CDC14A: variants seen among roughly 807,000 people sequenced by gnomAD.
CDC14A encodes the protein dual specificity protein phosphatase CDC14A.
In CDC14A, 53 loss-of-function variants were observed where a neutral mutation model predicts 74.4. The observed-to-expected ratio is 0.71, with a 90% CI of 0.57 to 0.89. The LOEUF (loss-of-function observed/expected upper bound fraction) is 0.89. Ranked by LOEUF, CDC14A falls within the 40% of genes least tolerant of loss-of-function variation. CDC14A has a pLI of 0.00. For synonymous variants in CDC14A, 247 were observed against 258.4 expected, an observed-to-expected ratio of 0.96 and a Z score of 0.43; for missense variants, 646 against 713.7, an observed-to-expected ratio of 0.91 and a Z score of 1.08.
intron 8 of CDC14A, among the ~76,000 whole-genome samples, chr1:100,461,012 C>T (rs1667260795): frequency 6.6e-6 from 1 of 152,196 alleles, no homozygotes; most frequent in Non-Finnish European, 1.5e-5. Flanking sequence ...GCATTTCAAA[C>T]ATAAAGCATT....
At chr1:100,435,604 G>A (rs906523110) in intron 5 of CDC14A, among the ~76,000 whole-genome samples, 4 of 152,092 alleles carry the variant, frequency 2.6e-5, no homozygotes, top group East Asian at 3.9e-4. Context: ...CGAGGTGGGC[G>A]GATCGCCTGA....
At chr1:100,400,751 G>A (rs1247665605) in intron 4 of CDC14A, among the ~76,000 whole-genome samples, 1 of 152,202 alleles carries the variant, frequency 6.6e-6, no homozygotes, top group Non-Finnish European at 1.5e-5. Context: ...TATGGGTAGA[G>A]CAGTGTCACC....
chr1:100,368,636 A>T (rs1653984737), intron 2 of CDC14A, among the ~76,000 whole-genome samples: 1 of 152,214 alleles, frequency 6.6e-6, no homozygotes, highest in African/African-American at 2.4e-5. Flanking sequence ...GCAGGTTTGT[A>T]TACAAGCATA....
intron 5 of CDC14A, among the ~76,000 whole-genome samples, chr1:100,425,510 G>A (rs551517425): frequency 6.6e-6 from 1 of 152,130 alleles, no homozygotes; most frequent in Non-Finnish European, 1.5e-5. Context: ...AGAGTCAAGG[G>A]ATTCTCATTC....
intron 15 of CDC14A, among the ~76,000 whole-genome samples, chr1:100,510,030 C>A (rs962788304): frequency 6.6e-6 from 1 of 152,126 alleles, no homozygotes; most frequent in Non-Finnish European, 1.5e-5. Flanking sequence ...GGCTGTGTTC[C>A]CATTTCCTAT....
intron 6 of CDC14A, among the ~76,000 whole-genome samples, chr1:100,440,722 ATATAT>A (rs1664837417): frequency 6.6e-6 from 1 of 152,202 alleles, no homozygotes; most frequent in Non-Finnish European, 1.5e-5. Context: ...TGGACTATAA[ATATAT>A]TATCAGTAGC....
At position 100,345,836 on chromosome 1, in the gene CDC14A, G is replaced by A. The variant is rs368132825; in HGVS notation, c.-126+653G>A. 4.6e-5 allele frequency among the ~76,000 whole-genome samples: 7 copies of A among 152,328 alleles called. No individual in the cohort carries two copies. The East Asian group carries it at 1.3e-3, about 29-fold the overall frequency. ...TATTTTCCTGCTAGAAATATGTAGA[G>A]TAGAAACATTATTAAATGTGCACAT... is the stretch of plus-strand genomic sequence containing the variant. On this transcript the variant is annotated intron_variant, in intron 1 of 14. Transcript: ENST00000635056.
intron 7 of CDC14A, among the ~76,000 whole-genome samples, chr1:100,453,510 C>A (rs1025021819): frequency 6.6e-6 from 1 of 152,118 alleles, no homozygotes; most frequent in Non-Finnish European, 1.5e-5. Context: ...TTTAAACAAG[C>A]AAATTTTAAT....
At chr1:100,410,226 A>G (rs1214535655) in intron 4 of CDC14A, among the ~76,000 whole-genome samples, 1 of 152,158 alleles carries the variant, frequency 6.6e-6, no homozygotes, top group Non-Finnish European at 1.5e-5. Flanking sequence ...AAAAAAAGAA[A>G]AAAAAATTTT....
chr1:100,370,294 T>C (rs1181431425), intron 2 of CDC14A, among the ~76,000 whole-genome samples: 1 of 151,942 alleles, frequency 6.6e-6, no homozygotes, highest in Non-Finnish European at 1.5e-5. Flanking sequence ...TAAAGTTTTT[T>C]TTTTTTTTGT....
At chr1:100,420,063 C>CACATATAT in intron 4 of CDC14A, among the ~76,000 whole-genome samples, 1,045 of 61,480 alleles carry the variant, frequency 0.017, 31 homozygotes, top group South Asian at 0.03. Context: ...CACACACACA[C>CACATATAT]ATATATATAT....
chr1:100,462,634 C>G lies in CDC14A; in HGVS notation c.608-17C>G. The G allele has an allele frequency of 1.3e-6, 2 of 1,593,128 alleles. No individual in the cohort carries two copies. The highest frequency in any genetic ancestry group is 2.7e-5 in the African/African-American group (2 of 74,498). Reference sequence around the variant, plus strand: ...TGAAATGCATGCCTTTTGCTTACTGCTCCTTTGTTCCTTTAGGTTATCCTC... The same window carrying G: ...TGAAATGCATGCCTTTTGCTTACTGGTCCTTTGTTCCTTTAGGTTATCCTC... On this transcript the variant is annotated splice_polypyrimidine_tract_variant and intron_variant, in intron 8 of 15. Coordinates refer to ENST00000336454, the MANE Select transcript of CDC14A (RefSeq NM_003672.4).
chr1:100,448,016 G>C (rs1465660231), intron 7 of CDC14A, among the ~76,000 whole-genome samples: 1 of 152,216 alleles, frequency 6.6e-6, no homozygotes, highest in African/African-American at 2.4e-5. Context: ...GATGATGGAA[G>C]TGTGATGCGG....
chr1:100,468,116 C>T lies in CDC14A; in HGVS notation c.977+22C>T, dbSNP rs17122599. ...AAGAGTAAGTATATTGTCCCCATTACCACATTATATCCTGTTCTTGATCCT... is the reference window on the plus strand; with the variant it reads ...AAGAGTAAGTATATTGTCCCCATTATCACATTATATCCTGTTCTTGATCCT... On this transcript the variant is annotated intron_variant, in intron 10 of 15. Transcript: ENST00000336454. 17,294 of 1,612,632 alleles carry T rather than the reference C, an allele frequency of 0.011. 1,517 individuals carry two copies. In the African/African-American group the frequency reaches 0.2, roughly 18 times the overall value.
intron 2 of CDC14A, among the ~76,000 whole-genome samples, chr1:100,359,284 A>G (rs1041688030): frequency 6.6e-6 from 1 of 152,178 alleles, no homozygotes; most frequent in African/African-American, 2.4e-5. Flanking sequence ...TATTATCACT[A>G]CTTAACAAAG....
intron 4 of CDC14A, among the ~76,000 whole-genome samples, chr1:100,392,362 G>A (rs1341053697): frequency 6.6e-6 from 1 of 151,992 alleles, no homozygotes; most frequent in Non-Finnish European, 1.5e-5. Flanking sequence ...TTCCTGCAGG[G>A]TTTTGTGATG....
intron 8 of CDC14A, among the ~76,000 whole-genome samples, chr1:100,459,100 C>T (rs755935616): frequency 2.3e-5 from 3 of 128,926 alleles, no homozygotes; most frequent in African/African-American, 6.4e-5. Flanking sequence ...CACACACACA[C>T]GCACACACAC....
chr1:100,375,407 A>T (rs1655095136), intron 2 of CDC14A, among the ~76,000 whole-genome samples: 1 of 152,202 alleles, frequency 6.6e-6, no homozygotes, highest in Admixed American at 6.5e-5. Context: ...GAATAGTGGG[A>T]GGATATGTGA....
chr1:100,464,869 A>G (rs890528097), intron 9 of CDC14A, among the ~76,000 whole-genome samples: 2 of 151,598 alleles, frequency 1.3e-5, no homozygotes, highest in East Asian at 1.9e-4. Context: ...GTGAATGTTT[A>G]CCTTTTAAAA....
Sources: allele counts gnomAD v4.1 joint callset (sites outside exome capture counted in the v4.1 genomes callset), GRCh38; gene constraint gnomAD v4.1.1; transcripts MANE v1.5; gene names NCBI Gene and HGNC (gene_info 2026-07-23, HGNC 2026-07-21).